Variants in SDCCAG8 observed in about 807,000 individuals in gnomAD.
SDCCAG8 encodes SHH signaling and ciliogenesis regulator SDCCAG8, also known as serologically defined colon cancer antigen 8.
A neutral mutation model predicts 101.8 loss-of-function variants in SDCCAG8; 74 were observed. The observed-to-expected ratio is 0.73, with a 90% confidence interval of 0.60 to 0.88. The LOEUF is 0.88. SDCCAG8 is among the 40% of genes least tolerant of loss of function. SDCCAG8 has a pLI of 0.00. For synonymous variants in SDCCAG8, 281 were observed against 292.9 expected, an observed-to-expected ratio of 0.96 and a Z score of 0.41; for missense variants, 787 against 822.6, an observed-to-expected ratio of 0.96 and a Z score of 0.53.
intron 16 of SDCCAG8, among the ~76,000 whole-genome samples, chr1:243,486,960 T>G: frequency 6.6e-6 from 1 of 152,198 alleles, no homozygotes; most frequent in East Asian, 1.9e-4. Context: ...CCAGTAGCTC[T>G]CTCCACAGGT....
intron 12 of SDCCAG8, among the ~76,000 whole-genome samples, chr1:243,355,153 G>A (rs2076313207): frequency 6.6e-6 from 1 of 152,188 alleles, no homozygotes; most frequent in Admixed American, 6.5e-5. Flanking sequence ...GTACTTAAGT[G>A]GATTTGTTAC....
In SDCCAG8 at chr1:243,499,974, T is replaced by C; in HGVS notation, c.*189T>C. 3.1e-6 allele frequency: 2 copies of C among 640,738 alleles called. No homozygotes were observed. Among genetic ancestry groups the C allele is most frequent in the Non-Finnish European group, 5.6e-6 (2 of 354,674 alleles). The allele number at this position is 640,738 out of a possible 1,614,324, so 39.7% of individuals were successfully genotyped here. A position where few individuals can be genotyped will look rare whatever the true frequency, so the allele number is the denominator to read the frequency against. On this transcript the variant is annotated 3_prime_UTR_variant, in exon 18 of 18. Coordinates refer to ENST00000366541, the MANE Select transcript of SDCCAG8 (RefSeq NM_006642.5). Reference sequence around the variant, plus strand: ...TCGGGCTGGAGCTGGAGTCTGACTCTAGCTGAGCAGAGCTCCTGGTGTATG... The same window carrying C: ...TCGGGCTGGAGCTGGAGTCTGACTCCAGCTGAGCAGAGCTCCTGGTGTATG...
intron 16 of SDCCAG8, among the ~76,000 whole-genome samples, chr1:243,447,028 G>T (rs1347801495): frequency 6.6e-6 from 1 of 152,114 alleles, no homozygotes; most frequent in Non-Finnish European, 1.5e-5. Context: ...GAGGCGGGCA[G>T]ATCACCTGAG....
chr1:243,378,641 C>CA, intron 12 of SDCCAG8, 80 bp from the exon 13 acceptor site: 1 of 1,475,366 alleles, frequency 6.8e-7, no homozygotes, highest in Non-Finnish European at 9.4e-7. Flanking sequence ...AAATTCATGG[C>CA]AAAAAATAAA....
At chr1:243,271,799 C>T (rs905893552) in intron 3 of SDCCAG8, among the ~76,000 whole-genome samples, 2 of 152,102 alleles carry the variant, frequency 1.3e-5, no homozygotes, top group African/African-American at 4.8e-5. Flanking sequence ...CAGCCTCGGC[C>T]TCCCAAAGCA....
chr1:243,415,784 C>G lies in SDCCAG8; in HGVS notation c.1699C>G (p.Leu567Val), dbSNP rs750647231. 2.3e-5 allele frequency: 37 copies of G among 1,613,654 alleles called. No homozygotes were observed. The highest frequency in any genetic ancestry group is 3.1e-5 in the Non-Finnish European group (36 of 1,179,790). The change falls in exon 14 of 18, where the codon CTG becomes GTG. Residue 567 changes from leucine to valine, a missense_variant. By Grantham distance (32) the Leu-to-Val change is conservative. Coordinates refer to ENST00000366541, the MANE Select transcript of SDCCAG8 (RefSeq NM_006642.5). ...ALQAQQREQE[L>V]TQKIQQMEAQ... ...TCAGGCCCAGCAAAGAGAGCAGGAGCTGACACAGAAGATACAGCAAATGGA... is the reference window on the plus strand; with the variant it reads ...TCAGGCCCAGCAAAGAGAGCAGGAGGTGACACAGAAGATACAGCAAATGGA...
intron 16 of SDCCAG8, among the ~76,000 whole-genome samples, chr1:243,478,956 C>CAAAAAAAAAAAAAA (rs148382740): frequency 2.5e-4 from 24 of 94,692 alleles, no homozygotes; most frequent in African/African-American, 5.2e-4. Context: ...GACTCTGTCT[C>CAAAAAAAAAAAAAA]AAAAAAAAAA....
intron 13 of SDCCAG8, among the ~76,000 whole-genome samples, chr1:243,403,288 C>T (rs1480566243): frequency 6.6e-6 from 1 of 152,118 alleles, no homozygotes; most frequent in East Asian, 1.9e-4. Flanking sequence ...GCCAATGCTA[C>T]CTCCCCCTGT....
At position 243,269,939 on chromosome 1, in the gene SDCCAG8, C is replaced by G. The variant is rs60076363; in HGVS notation, c.68-166C>G. Reference sequence around the variant, plus strand: ...CTAAACCATGAAGTTAATCTTCTCTCACCATCTTTGGCACATCCCTCAGCA... The same window carrying G: ...CTAAACCATGAAGTTAATCTTCTCTGACCATCTTTGGCACATCCCTCAGCA... On this transcript the variant is annotated intron_variant, in intron 1 of 17. Transcript: ENST00000366541. 6.1e-3 allele frequency among the ~76,000 whole-genome samples: 927 copies of G among 152,304 alleles called. 4 individuals carry two copies. The highest frequency in any genetic ancestry group is 0.021 in the African/African-American group (879 of 41,558).
intron 16 of SDCCAG8, among the ~76,000 whole-genome samples, chr1:243,438,288 A>G (rs59653451): frequency 0.19 from 28,543 of 152,132 alleles, 2,961 homozygotes; most frequent in African/African-American, 0.26. Flanking sequence ...TTAAGAACCC[A>G]TTAAAAGGTT....
chr1:243,276,773 T>G (rs1305671828), intron 4 of SDCCAG8, among the ~76,000 whole-genome samples: 2 of 152,200 alleles, frequency 1.3e-5, no homozygotes, highest in Non-Finnish European at 2.9e-5. Context: ...TGAAACATCC[T>G]CTTGCGCTTC....
At chr1:243,284,047 A>G (rs2069341288) in intron 4 of SDCCAG8, among the ~76,000 whole-genome samples, 1 of 152,098 alleles carries the variant, frequency 6.6e-6, no homozygotes, top group Non-Finnish European at 1.5e-5. Context: ...CCTGGCCTTA[A>G]TCATAATTAT....
intron 17 of SDCCAG8, among the ~76,000 whole-genome samples, chr1:243,497,350 G>C (rs989122886): frequency 6.8e-6 from 1 of 147,036 alleles, no homozygotes; most frequent in African/African-American, 2.6e-5. Context: ...GGGGGGGGGC[G>C]TTGAGCAGTG....
intron 16 of SDCCAG8, among the ~76,000 whole-genome samples, chr1:243,460,342 A>C (rs1338992558): frequency 2.0e-5 from 3 of 152,056 alleles, no homozygotes; most frequent in Non-Finnish European, 2.9e-5. Context: ...CTCTAGGAGG[A>C]TCTCCGGGAG....
intron 16 of SDCCAG8, among the ~76,000 whole-genome samples, chr1:243,430,519 A>G (rs957051497): frequency 5.3e-5 from 8 of 151,922 alleles, no homozygotes; most frequent in Non-Finnish European, 8.8e-5. Flanking sequence ...ATCTTGGCTC[A>G]CTGCAAGCTC....
At chr1:243,426,160 A>G (rs1283895780) in intron 15 of SDCCAG8, among the ~76,000 whole-genome samples, 3 of 152,210 alleles carry the variant, frequency 2.0e-5, no homozygotes, top group Non-Finnish European at 2.9e-5. Flanking sequence ...CTTTTAAAAA[A>G]GAGATTTGAT....
At chr1:243,426,063 G>C (rs75979659) in intron 15 of SDCCAG8, among the ~76,000 whole-genome samples, 1 of 152,182 alleles carries the variant, frequency 6.6e-6, no homozygotes, top group East Asian at 1.9e-4. Context: ...CTCTGTTATA[G>C]AAATTAGGCC....
chr1:243,403,274 G>A (rs537154956), intron 13 of SDCCAG8, among the ~76,000 whole-genome samples: 6 of 152,274 alleles, frequency 3.9e-5, no homozygotes, highest in African/African-American at 1.2e-4. Context: ...TGTGTGCAAC[G>A]CTGGCCAATG....
At chr1:243,410,505 A>AAC (rs1027563358) in intron 13 of SDCCAG8, among the ~76,000 whole-genome samples, 11 of 148,090 alleles carry the variant, frequency 7.4e-5, no homozygotes, top group African/African-American at 2.8e-4. Context: ...TTAAAAGGGA[A>AAC]ACACCTTTTA....
Sources: allele counts gnomAD v4.1 joint callset (sites outside exome capture counted in the v4.1 genomes callset), GRCh38; gene constraint gnomAD v4.1.1; transcripts MANE v1.5; gene names NCBI Gene and HGNC (gene_info 2026-07-23, HGNC 2026-07-21).